The following PRDM16 variants were observed in gnomAD, a reference collection of about 807,000 sequenced individuals.
PRDM16 encodes the protein histone-lysine N-methyltransferase PRDM16.
In PRDM16, 23 loss-of-function variants were observed where a neutral mutation model predicts 110.6. The ratio of observed to expected loss-of-function variants is 0.21; its 90% CI spans 0.15 to 0.29. The LOEUF (loss-of-function observed/expected upper bound fraction) is 0.29. PRDM16 is among the 10% of genes least tolerant of loss of function. The probability of loss-of-function intolerance (pLI) is 1.00; values close to 1 mark genes in which losing one functional copy is unlikely to be tolerated. For synonymous variants in PRDM16, 799 were observed against 781.8 expected (o/e 1.02, Z -0.37); for missense variants, 1,615 against 1,794.3 (o/e 0.90, Z 1.81).
intron 5 of PRDM16, among the ~76,000 whole-genome samples, chr1:3,401,725 T>C (rs1043477610): frequency 2.0e-5 from 3 of 152,232 alleles, no homozygotes; most frequent in African/African-American, 7.2e-5. Flanking sequence ...TATGCACGTA[T>C]GCATACATAA....
chr1:3,253,188 T>TTTAAA (rs1047383598), intron 3 of PRDM16, among the ~76,000 whole-genome samples: 1 of 152,076 alleles, frequency 6.6e-6, no homozygotes, highest in African/African-American at 2.4e-5. Context: ...ACACTCTTTT[T>TTTAAA]TTTAATTTAA....
chr1:3,432,155 G>C lies in PRDM16; in HGVS notation c.3696+15G>C, dbSNP rs2100704593. On this transcript the variant is annotated intron_variant, in intron 16 of 16. Coordinates refer to ENST00000270722, the MANE Select transcript of PRDM16 (RefSeq NM_022114.4). ...CTAAGAACCAGGTAGGTACCCGCCAGAGCCCCTCCCCCACCCCACCTGGCC... is the reference window on the plus strand; with the variant it reads ...CTAAGAACCAGGTAGGTACCCGCCACAGCCCCTCCCCCACCCCACCTGGCC... The C allele has an allele frequency of 6.2e-7, 1 of 1,608,984 alleles. No homozygotes were observed. The highest frequency in any genetic ancestry group is 8.5e-7 in the Non-Finnish European group (1 of 1,177,018).
chr1:3,404,454 CGGGGTCCGGCACTGCCTCCAGCCGCCCTG>C (rs1643525582), intron 6 of PRDM16, among the ~76,000 whole-genome samples: 1 of 152,230 alleles, frequency 6.6e-6, no homozygotes, highest in Non-Finnish European at 1.5e-5. Flanking sequence ...GAGTGTGGGC[CGGGGTCCGGCACTGCCTCCAGCCGCCCTG>C]GGGGTGGTCT....
chr1:3,092,793 G>C (rs1642307639), intron 1 of PRDM16, among the ~76,000 whole-genome samples: 1 of 152,106 alleles, frequency 6.6e-6, no homozygotes. Context: ...ACCTGGGCTG[G>C]GATTGGGGTC....
At chr1:3,318,959 C>T (rs1313368396) in intron 3 of PRDM16, among the ~76,000 whole-genome samples, 1 of 152,242 alleles carries the variant, frequency 6.6e-6, no homozygotes, top group Non-Finnish European at 1.5e-5. Context: ...AATTCATTTA[C>T]ATTTTTAATG....
rs1009291831 is a variant in PRDM16 at position 3,244,288 on chromosome 1, G to A, written c.438+151G>A. The A allele has an allele frequency of 1.4e-5, 10 of 728,162 alleles. No homozygotes were observed. Among genetic ancestry groups the A allele is most frequent in the East Asian group, 2.7e-5 (1 of 37,102 alleles). The allele number at this position is 728,162 out of a possible 1,614,324, so 45.1% of individuals were successfully genotyped here. ...AGCAATGTGTTATCTGTGGACTGACGTGTGCACAGGACGGTGGCTTTGCTG... is the reference window on the plus strand; with the variant it reads ...AGCAATGTGTTATCTGTGGACTGACATGTGCACAGGACGGTGGCTTTGCTG... On this transcript the variant is annotated intron_variant, in intron 3 of 16. Coordinates refer to ENST00000270722, the MANE Select transcript of PRDM16 (RefSeq NM_022114.4). This position sits in a 1 kb window ranked among gnomAD's most constrained non-coding sequence, Gnocchi z 4.1.
intron 1 of PRDM16, chr1:3,127,870 G>A (rs72846807): frequency 0.077 from 11,781 of 152,918 alleles, 1,090 homozygotes; most frequent in East Asian, 0.23. Context: ...GGCTGCAGGC[G>A]CTTGGCTGCC....
At chr1:3,330,100 G>T (rs1642013064) in intron 3 of PRDM16, among the ~76,000 whole-genome samples, 2 of 152,374 alleles carry the variant, frequency 1.3e-5, no homozygotes, top group Non-Finnish European at 2.9e-5. Flanking sequence ...AGGGGTTAAG[G>T]ATGCCTTTGA....
At chr1:3,236,505 G>A (rs1456320797) in intron 2 of PRDM16, among the ~76,000 whole-genome samples, 1 of 152,228 alleles carries the variant, frequency 6.6e-6, no homozygotes, top group Non-Finnish European at 1.5e-5. Context: ...CTGGAAGGGA[G>A]TGGGGCCTCC....
At chr1:3,383,092 C>T (rs1484401579) in intron 3 of PRDM16, among the ~76,000 whole-genome samples, 1 of 152,240 alleles carries the variant, frequency 6.6e-6, no homozygotes, top group Admixed American at 6.5e-5. Flanking sequence ...CAACCCTGGG[C>T]AGAGAAGGGA....
chr1:3,223,103 CTTTTT>C (rs1172383270), intron 2 of PRDM16, among the ~76,000 whole-genome samples: 2 of 73,994 alleles, frequency 2.7e-5, no homozygotes, highest in East Asian at 4.4e-4. Context: ...AAAATCAAGG[CTTTTT>C]TTTTTTTTTT....
At chr1:3,249,201 G>C (rs554692076) in intron 3 of PRDM16, among the ~76,000 whole-genome samples, 132 of 151,976 alleles carry the variant, frequency 8.7e-4, no homozygotes, top group Middle Eastern at 3.4e-3. Context: ...AAGGAGGCTG[G>C]AGGGCTGGGG....
At chr1:3,198,323 C>T (rs1239256659) in intron 2 of PRDM16, among the ~76,000 whole-genome samples, 1 of 152,250 alleles carries the variant, frequency 6.6e-6, no homozygotes, top group East Asian at 1.9e-4. Flanking sequence ...GGCTGCAAGC[C>T]GGCACCCTTG....
At chr1:3,406,923 C>G (rs529779667) in intron 8 of PRDM16, among the ~76,000 whole-genome samples, 2 of 152,170 alleles carry the variant, frequency 1.3e-5, no homozygotes, top group Admixed American at 1.3e-4. Flanking sequence ...AGCATCCTTA[C>G]GAAAGCCTGA....
In PRDM16 at chr1:3,255,003, C is replaced by T. The variant is rs558906582; in HGVS notation, c.438+10866C>T. On this transcript the variant is annotated intron_variant, in intron 3 of 16. Transcript: ENST00000270722. The surrounding 1 kb of genome is among the most constrained non-coding windows in gnomAD (Gnocchi z 4.7). Reference sequence around the variant, plus strand: ...AACAGAGCCCTCAGAAATAACGCCGCATGTCTACAACTATCTGATCTTTGA... The same window carrying T: ...AACAGAGCCCTCAGAAATAACGCCGTATGTCTACAACTATCTGATCTTTGA... Among the ~76,000 whole-genome samples, 1 of 152,162 alleles carries T rather than the reference C, an allele frequency of 6.6e-6. No homozygotes were observed. The highest frequency in any genetic ancestry group is 2.4e-5 in the African/African-American group (1 of 41,426).
chr1:3,069,905 C>T lies in PRDM16; in HGVS notation c.37+609C>T, dbSNP rs1159755264. ...TCCGCGGGCGCAGGGGCAGGGGTGGCGACGGCGGGACAGCCGCAGCCACTT... is the reference window on the plus strand; with the variant it reads ...TCCGCGGGCGCAGGGGCAGGGGTGGTGACGGCGGGACAGCCGCAGCCACTT... On this transcript the variant is annotated intron_variant, in intron 1 of 16. Transcript: ENST00000270722. The surrounding 1 kb of genome is among the most constrained non-coding windows in gnomAD (Gnocchi z 6.1). Among the ~76,000 whole-genome samples, 1 of 151,890 alleles carries T rather than the reference C, an allele frequency of 6.6e-6. No individual in the cohort carries two copies. The highest frequency in any genetic ancestry group is 1.5e-5 in the Non-Finnish European group (1 of 67,948).
chr1:3,280,710 C>T (rs548872219), intron 3 of PRDM16, among the ~76,000 whole-genome samples: 1 of 152,182 alleles, frequency 6.6e-6, no homozygotes, highest in Non-Finnish European at 1.5e-5. Flanking sequence ...GCTTTGAAAA[C>T]AGTAAATGTG....
intron 1 of PRDM16, among the ~76,000 whole-genome samples, chr1:3,170,978 G>A (rs934008492): frequency 5.9e-5 from 9 of 152,248 alleles, no homozygotes; most frequent in East Asian, 5.8e-4. Context: ...TCCCCAGCCC[G>A]TCTTGGCTAG....
intron 3 of PRDM16, among the ~76,000 whole-genome samples, chr1:3,340,542 C>A (rs549853436): frequency 1.3e-5 from 2 of 152,306 alleles, no homozygotes; most frequent in African/African-American, 4.8e-5. Context: ...ATACCATCTA[C>A]GTTTTTCCCC....
Sources: gnomAD v4.1 joint callset for allele counts (sites outside exome capture counted in the v4.1 genomes callset) on GRCh38, gnomAD v4.1.1 for gene constraint, Gnocchi (gnomAD v3.1) non-coding constraint, MANE v1.5 for transcripts, NCBI Gene and HGNC (gene_info 2026-07-23, HGNC 2026-07-21) for gene names.